Variants in SNX24 observed in about 807,000 individuals in gnomAD.
The protein encoded by SNX24 is sorting nexin-24.
Under a neutral mutation model 28.7 loss-of-function variants are expected in SNX24, and 22 were observed. The observed-to-expected ratio is 0.77, with a 90% CI of 0.55 to 1.10. The LOEUF is 1.10. Among genes scored for constraint, SNX24 ranks in the 50% least tolerant of loss-of-function variants. The probability of loss-of-function intolerance (pLI) is 0.00; values close to 1 mark genes in which losing one functional copy is unlikely to be tolerated. For missense variants in SNX24, 221 were observed against 201.1 expected (o/e 1.10, Z -0.60); for synonymous variants, 69 against 71.5 (o/e 0.96, Z 0.18).
intron 1 of SNX24, among the ~76,000 whole-genome samples, chr5:122,871,980 G>A (rs1279885042): frequency 6.6e-6 from 1 of 151,662 alleles, no homozygotes; most frequent in African/African-American, 2.4e-5. Context: ...CTTCTGTAAG[G>A]ATTTCTTGTA....
At chr5:122,901,430 A>G (rs150030045) in intron 1 of SNX24, among the ~76,000 whole-genome samples, 68 of 152,352 alleles carry the variant, frequency 4.5e-4, no homozygotes, top group African/African-American at 1.6e-3. Flanking sequence ...TTAAACAACA[A>G]TGAAAACTAG....
At chr5:123,023,900 A>T (rs1762809694) in intron 5 of SNX24, 3 of 1,613,904 alleles carry the variant, frequency 1.9e-6, no homozygotes, top group Non-Finnish European at 2.5e-6. Context: ...CTCAACCACA[A>T]AAGGCGTTTT....
At chr5:122,863,040 C>T (rs1458178413) in intron 1 of SNX24, among the ~76,000 whole-genome samples, 2 of 152,132 alleles carry the variant, frequency 1.3e-5, no homozygotes, top group East Asian at 1.9e-4. Context: ...TCTGGGGATA[C>T]AGTAATGAAC....
chr5:122,888,913 G>T (rs1276659494), intron 1 of SNX24, among the ~76,000 whole-genome samples: 1 of 152,098 alleles, frequency 6.6e-6, no homozygotes, highest in Non-Finnish European at 1.5e-5. Flanking sequence ...GTGCAGTGGC[G>T]TGATCTCAGC....
rs1224782895 is a variant in SNX24, at chr5:122,899,775, CAAT to C, written c.61-36958_61-36956del. 3.9e-5 allele frequency among the ~76,000 whole-genome samples: 6 copies of C among 152,266 alleles called. No homozygotes were observed. In the East Asian group the frequency reaches 1.2e-3, roughly 29 times the overall value. On this transcript the variant is annotated intron_variant, in intron 1 of 6. Coordinates refer to ENST00000261369, the MANE Select transcript of SNX24 (RefSeq NM_014035.4). ...GACTCTTTGCTAGATGCTTATCTGA[CAAT>C]GATGAAGGAATGCAGTGAGCTCTTA...
intron 1 of SNX24, among the ~76,000 whole-genome samples, chr5:122,912,399 A>C (rs1163976092): frequency 6.6e-6 from 1 of 151,890 alleles, no homozygotes; most frequent in Non-Finnish European, 1.5e-5. Context: ...CTAGATATAC[A>C]ATCATGTCAT....
chr5:122,992,111 T>C (rs1025749365), intron 3 of SNX24, among the ~76,000 whole-genome samples: 4 of 152,180 alleles, frequency 2.6e-5, no homozygotes, highest in Non-Finnish European at 4.4e-5. Context: ...AAATGATACA[T>C]AATTCGAACA....
chr5:122,932,651 C>A (rs1244663915), intron 1 of SNX24, among the ~76,000 whole-genome samples: 1 of 151,970 alleles, frequency 6.6e-6, no homozygotes, highest in Non-Finnish European at 1.5e-5. Context: ...AGGCGGATCA[C>A]AAGGTCAGGA....
downstream of SNX24, among the ~76,000 whole-genome samples, chr5:123,013,593 C>T (rs889814692): frequency 7.2e-5 from 11 of 152,116 alleles, no homozygotes; most frequent in Admixed American, 5.2e-4. Context: ...GGAAGGAGGG[C>T]ATATTATCTA....
chr5:122,858,955 C>T (rs1003151482), intron 1 of SNX24, among the ~76,000 whole-genome samples: 2 of 152,104 alleles, frequency 1.3e-5, no homozygotes, highest in Non-Finnish European at 2.9e-5. Flanking sequence ...ACCATGTTGC[C>T]CAGGCTAGTC....
chr5:122,862,749 T>C (rs568147001), intron 1 of SNX24, among the ~76,000 whole-genome samples: 1 of 151,594 alleles, frequency 6.6e-6, no homozygotes, highest in East Asian at 1.9e-4. Flanking sequence ...CTTTTGAGGA[T>C]GGAGGTGAGA....
downstream of SNX24, among the ~76,000 whole-genome samples, chr5:123,013,598 TATC>T (rs1284705941): frequency 1.8e-4 from 28 of 152,186 alleles, no homozygotes; most frequent in African/African-American, 6.8e-4. Context: ...GAGGGCATAT[TATC>T]TATGTTAAGT....
intron 1 of SNX24, among the ~76,000 whole-genome samples, chr5:122,924,153 T>C (rs1229722358): frequency 6.6e-6 from 1 of 152,252 alleles, no homozygotes; most frequent in East Asian, 1.9e-4. Flanking sequence ...CTAAACCTTA[T>C]ATGTGCTATG....
intron 3 of SNX24, among the ~76,000 whole-genome samples, chr5:122,983,784 T>A (rs531800363): frequency 2.6e-5 from 4 of 152,272 alleles, no homozygotes; most frequent in South Asian, 4.1e-4. Flanking sequence ...TTTAAAAAAA[T>A]TTGTAGAGAT....
rs1759737465 is a variant in SNX24 at position 122,947,452 on chromosome 5, T to C, written c.249+1293T>C. Among the ~76,000 whole-genome samples the C allele has an allele frequency of 2.0e-5, 3 of 152,158 alleles. No individual in the cohort carries two copies. The South Asian group carries it at 6.2e-4, about 32-fold the overall frequency. On this transcript the variant is annotated intron_variant, in intron 3 of 6. Transcript: ENST00000261369. ...TTTCCTGGTCTTTACAGTGCTCTAA[T>C]AGGAAAGCTGACATGCAGAAGGCCC... is the stretch of plus-strand genomic sequence containing the variant.
intron 5 of SNX24, chr5:123,025,971 G>A (rs1157496593): frequency 1.9e-6 from 3 of 1,582,142 alleles, no homozygotes; most frequent in Non-Finnish European, 2.6e-6. Context: ...GCTCACACCT[G>A]AGACAAAACA....
At chr5:123,000,816 G>T (rs1357515754) in intron 4 of SNX24, among the ~76,000 whole-genome samples, 1 of 152,146 alleles carries the variant, frequency 6.6e-6, no homozygotes, top group Non-Finnish European at 1.5e-5. Flanking sequence ...GAAAATCCAT[G>T]CAGGAGAGAG....
At chr5:122,985,843 C>T (rs1380217025) in intron 3 of SNX24, among the ~76,000 whole-genome samples, 5 of 152,212 alleles carry the variant, frequency 3.3e-5, no homozygotes, top group South Asian at 2.1e-4. Context: ...CTGGAACAAC[C>T]CTCATGCGTT....
intron 3 of SNX24, among the ~76,000 whole-genome samples, chr5:122,987,138 CGTG>C (rs1761637366): frequency 6.6e-6 from 1 of 151,708 alleles, no homozygotes; most frequent in South Asian, 2.1e-4. Context: ...AAGTGTGAAG[CGTG>C]GTTATCAGCT....
Sources: allele counts gnomAD v4.1 joint callset (sites outside exome capture counted in the v4.1 genomes callset), GRCh38; gene constraint gnomAD v4.1.1; transcripts MANE v1.5; gene names NCBI Gene and HGNC (gene_info 2026-07-23, HGNC 2026-07-21).